Variants in ACSM1 observed in about 807,000 individuals in gnomAD.
ACSM1 encodes acyl-CoA synthetase medium chain family member 1, also known as acyl-coenzyme A synthetase ACSM1, mitochondrial.
In ACSM1, 79 loss-of-function variants were observed where a neutral mutation model predicts 75.8. That is an observed-to-expected ratio of 1.04 (90% CI 0.87 to 1.26). ACSM1 has a LOEUF of 1.26. ACSM1 is among the 50% of genes most tolerant of loss of function. The pLI, the probability that ACSM1 is intolerant of heterozygous loss-of-function variation, is 0.00. For missense variants in ACSM1, 676 were observed against 720.1 expected, an observed-to-expected ratio of 0.94 and a Z score of 0.70; for synonymous variants, 279 against 265.8, an observed-to-expected ratio of 1.05 and a Z score of -0.48.
intron 3 of ACSM1, 28 bp from the exon 4 acceptor site, chr16:20,682,491 T>C (rs1354057352): frequency 6.3e-7 from 1 of 1,594,890 alleles, no homozygotes. Context: ...ACTGATTGTT[T>C]TGGTTTCTTT....
At chr16:20,662,601 T>C (rs560891390) in intron 6 of ACSM1, among the ~76,000 whole-genome samples, 2 of 152,284 alleles carry the variant, frequency 1.3e-5, no homozygotes, top group East Asian at 3.9e-4. Context: ...TTAAATCCTG[T>C]TACTTAATTT....
rs542377616 is a variant in ACSM1 at position 20,631,613 on chromosome 16, C to A, written c.1300-4297G>T. On this transcript the variant is annotated intron_variant, in intron 10 of 13. Transcript: ENST00000520010. Reference sequence around the variant, plus strand: ...TGCAATTGCAAAGATATGGAACCAACCAAAGTGCCCATCAACCAATGAGTG... The same window carrying A: ...TGCAATTGCAAAGATATGGAACCAAACAAAGTGCCCATCAACCAATGAGTG... 2.4e-4 allele frequency among the ~76,000 whole-genome samples: 37 copies of A among 152,310 alleles called. No individual in the cohort carries two copies. In the South Asian group the frequency reaches 7.7e-3, roughly 32 times the overall value.
In ACSM1 at chr16:20,649,410, C is replaced by T. The variant is rs75785453; in HGVS notation, c.993-8826G>A. ...ATCTTGAAACTGCCCTGCAAAGTCCCTTGTGGGAAAAGTCCACATTCTATA... is the reference window on the plus strand; with the variant it reads ...ATCTTGAAACTGCCCTGCAAAGTCCTTTGTGGGAAAAGTCCACATTCTATA... On this transcript the variant is annotated intron_variant, in intron 7 of 13. Transcript: ENST00000520010. 8.4e-3 allele frequency among the ~76,000 whole-genome samples: 1,274 copies of T among 152,306 alleles called. 7 individuals carry two copies. Among genetic ancestry groups the T allele is most frequent in the African/African-American group, 0.018 (745 of 41,570 alleles).
chr16:20,693,928 T>C (rs1229821373), intron 1 of ACSM1, among the ~76,000 whole-genome samples: 1 of 152,212 alleles, frequency 6.6e-6, no homozygotes, highest in Non-Finnish European at 1.5e-5. Context: ...AAAAGCAAAA[T>C]TTATTCAAAG....
intron 4 of ACSM1, among the ~76,000 whole-genome samples, chr16:20,678,286 GA>G (rs906636619): frequency 3.3e-5 from 5 of 149,552 alleles, no homozygotes; most frequent in African/African-American, 4.9e-5. Context: ...GAACTGACCT[GA>G]AAAAAAAACA....
At chr16:20,631,558 CAT>C (rs1567246704) in intron 10 of ACSM1, among the ~76,000 whole-genome samples, 1 of 152,194 alleles carries the variant, frequency 6.6e-6, no homozygotes, top group African/African-American at 2.4e-5. Flanking sequence ...ATGAAAAAGA[CAT>C]ATGCACATGC....
Position 20,624,083 on chromosome 16 carries a change from T to G in ACSM1, c.1647+13A>C. ...TCAGGGCCACCAGATCCCTTCCATC[T>G]GCCCTCACTCACCTTCCTTGGGTAC... On this transcript the variant is annotated intron_variant, in intron 13 of 13. Coordinates refer to ENST00000520010, the MANE Select transcript of ACSM1 (RefSeq NM_001318890.3). 7.5e-6 allele frequency: 12 copies of G among 1,610,564 alleles called. No individual in the cohort carries two copies. Among genetic ancestry groups the G allele is most frequent in the Non-Finnish European group, 1.0e-5 (12 of 1,177,674 alleles).
chr16:20,679,045 C>A (rs1310928801), intron 4 of ACSM1: 1 of 152,226 alleles, frequency 6.6e-6, no homozygotes, highest in East Asian at 1.9e-4. Flanking sequence ...ACCCAGTACA[C>A]CCTTTCAAAC....
At chr16:20,671,899 C>A (rs1345744609) in intron 4 of ACSM1, among the ~76,000 whole-genome samples, 1 of 152,032 alleles carries the variant, frequency 6.6e-6, no homozygotes, top group Non-Finnish European at 1.5e-5. Context: ...AATCTTAAGT[C>A]ATTTAATCTT....
chr16:20,626,776 A>G (rs1596777168), intron 11 of ACSM1, among the ~76,000 whole-genome samples: 2 of 152,228 alleles, frequency 1.3e-5, no homozygotes, highest in Admixed American at 1.3e-4. Context: ...AAATATATTC[A>G]TAATAATAAA....
At chr16:20,675,916 A>T (rs1319386387) in intron 4 of ACSM1, among the ~76,000 whole-genome samples, 2 of 152,220 alleles carry the variant, frequency 1.3e-5, no homozygotes, top group Non-Finnish European at 2.9e-5. Flanking sequence ...CCAAAAGTGA[A>T]AAGTGAAAGC....
chr16:20,696,478 T>G (rs1053713790), intron 1 of ACSM1, among the ~76,000 whole-genome samples: 1 of 152,262 alleles, frequency 6.6e-6, no homozygotes, highest in African/African-American at 2.4e-5. Context: ...GAAAAGCCAG[T>G]GTGCCCACAA....
chr16:20,627,420 T>C (rs2017011212), intron 10 of ACSM1, 104 bp from the exon 11 acceptor site: 4 of 1,364,156 alleles, frequency 2.9e-6, no homozygotes, highest in Non-Finnish European at 3.9e-6. Flanking sequence ...CTGTTTCTAC[T>C]CGGTACCTGG....
chr16:20,674,827 G>A (rs2020168335), intron 4 of ACSM1: 1 of 152,376 alleles, frequency 6.6e-6, no homozygotes, highest in Non-Finnish European at 1.5e-5. Flanking sequence ...ACCGCGGTAA[G>A]GAGAAAGGGC....
At chr16:20,672,471 A>AAAAAAT (rs1555473775) in intron 4 of ACSM1, among the ~76,000 whole-genome samples, 87 of 64,550 alleles carry the variant, frequency 1.3e-3, no homozygotes, top group African/African-American at 4.7e-3. Context: ...AAAAAAAAAA[A>AAAAAAT]ATATATATAT....
intron 8 of ACSM1, 49 bp from the exon 9 acceptor site, chr16:20,637,500 A>ATCACAAAGC (rs777386393): frequency 6.8e-7 from 1 of 1,468,606 alleles, no homozygotes; most frequent in African/African-American, 1.4e-5. Flanking sequence ...GGCCAGGCTG[A>ATCACAAAGC]TCACAAAGCA....
chr16:20,670,515 C>A (rs1480126771), intron 5 of ACSM1, among the ~76,000 whole-genome samples: 1 of 152,190 alleles, frequency 6.6e-6, no homozygotes, highest in East Asian at 1.9e-4. Flanking sequence ...TATCAAAATA[C>A]AAATTTGATC....
chr16:20,651,979 G>C (rs921973515), intron 7 of ACSM1, among the ~76,000 whole-genome samples: 1 of 151,898 alleles, frequency 6.6e-6, no homozygotes, highest in African/African-American at 2.4e-5. Flanking sequence ...CCAAGACAGA[G>C]TGATCTTTGA....
At position 20,627,318 on chromosome 16, in the gene ACSM1, T is replaced by C; in HGVS notation, c.1300-2A>G. On this transcript the variant is annotated splice_acceptor_variant, in intron 10 of 13. Transcript: ENST00000520010. LOFTEE classifies it high-confidence loss of function. ...TTTAGCTGTCTTCTCTGGGTCACCCTGCAAAAAGAAGAGAGCTCCTTTGTT... is the reference window on the plus strand; with the variant it reads ...TTTAGCTGTCTTCTCTGGGTCACCCCGCAAAAAGAAGAGAGCTCCTTTGTT... The C allele has an allele frequency of 6.4e-7, 1 of 1,564,580 alleles. No homozygotes were observed. Among genetic ancestry groups the C allele is most frequent in the Non-Finnish European group, 8.6e-7 (1 of 1,160,702 alleles).
Sources: allele counts gnomAD v4.1 joint callset (sites outside exome capture counted in the v4.1 genomes callset), GRCh38; gene constraint gnomAD v4.1.1; transcripts MANE v1.5; gene names NCBI Gene and HGNC (gene_info 2026-07-23, HGNC 2026-07-21).